The following MCRS1 variants were observed in gnomAD, a reference collection of about 807,000 sequenced individuals.
MCRS1 encodes microspherule protein 1.
In MCRS1, 22 loss-of-function variants were observed where a neutral mutation model predicts 62.9. That is an observed-to-expected ratio of 0.35 (90% CI 0.25 to 0.50). MCRS1 has a LOEUF of 0.50. MCRS1 is among the 20% of genes least tolerant of loss of function. MCRS1 has a pLI of 0.98. For synonymous variants in MCRS1, 244 were observed against 233.5 expected (o/e 1.04, Z -0.41); for missense variants, 456 against 601.1 (o/e 0.76, Z 2.52).
At position 49,558,918 on chromosome 12, in the gene MCRS1, T is replaced by A. The variant is rs61752706; in HGVS notation, c.1227A>T (p.Arg409=). ...NGDFFIANEG[R]RPIYIDGRPV... ...GCCGTCCATCGATGTAGATGGGCCG[T>A]CGACCCTCATTGGCAATGAAGAAAT... The change falls in exon 14 of 15, where the codon CGA becomes CGT. Residue 409 remains arginine (R), a synonymous_variant. Coordinates refer to ENST00000343810, the MANE Select transcript of MCRS1 (RefSeq NM_006337.5). 1.4e-5 allele frequency: 23 copies of A among 1,612,730 alleles called. No individual in the cohort carries two copies. The highest frequency in any genetic ancestry group is 2.7e-5 in the African/African-American group (2 of 74,876).
intron 8 of MCRS1, among the ~76,000 whole-genome samples, chr12:49,561,299 G>A (rs1938753131): frequency 6.6e-6 from 1 of 152,192 alleles, no homozygotes; most frequent in Non-Finnish European, 1.5e-5. Flanking sequence ...TAGTGGCCAT[G>A]CAATTGTCAA....
chr12:49,562,852 G>GTT (rs377377830), intron 8 of MCRS1, 149 bp downstream of exon 8: 3 of 1,046,132 alleles, frequency 2.9e-6, no homozygotes, highest in South Asian at 2.3e-5. Flanking sequence ...CTGGAAAGTA[G>GTT]TTTTTTTTGC....
intron 6 of MCRS1, 36 bp from the exon 7 acceptor site, chr12:49,563,582 G>T: frequency 6.5e-7 from 1 of 1,528,708 alleles, no homozygotes; most frequent in Non-Finnish European, 9.0e-7. Context: ...AGGGGTGAAG[G>T]AAAGGTGTCA....
Position 49,559,925 on chromosome 12 carries a change from G to A in MCRS1, c.910+14C>T, listed in dbSNP as rs1305971675. ...AGCTTCCATCCCCTCACCACCCCAT[G>A]AGGCCATACTTACCATGTTCCAGGA... is the stretch of plus-strand genomic sequence containing the variant. On this transcript the variant is annotated intron_variant, in intron 10 of 14. Coordinates refer to ENST00000343810, the MANE Select transcript of MCRS1 (RefSeq NM_006337.5). The surrounding 1 kb of genome is among the most constrained non-coding windows in gnomAD (Gnocchi z 5.2). 7 of 1,614,064 alleles carry A rather than the reference G, an allele frequency of 4.3e-6. No individual in the cohort carries two copies. The highest frequency in any genetic ancestry group is 1.6e-4 in the Middle Eastern group (1 of 6,084).
chr12:49,567,937 T>G (rs2138209473), intron 1 of MCRS1, 111 bp downstream of exon 1: 1 of 152,350 alleles, frequency 6.6e-6, no homozygotes, highest in South Asian at 2.1e-4. Flanking sequence ...GGGGCGCCAC[T>G]GGGGCGGGGC....
intron 4 of MCRS1, 100 bp from the exon 5 acceptor site, chr12:49,564,995 A>G: frequency 2.7e-6 from 4 of 1,456,438 alleles, no homozygotes; most frequent in Non-Finnish European, 3.6e-6. Context: ...CGGCAGCCCC[A>G]GCCCCAGCCT....
intron 1 of MCRS1, among the ~76,000 whole-genome samples, chr12:49,567,418 C>G (rs1939119550): frequency 6.6e-6 from 1 of 151,776 alleles, no homozygotes; most frequent in Non-Finnish European, 1.5e-5. Flanking sequence ...CACGCTGTGC[C>G]CCAACAACCC....
intron 8 of MCRS1, among the ~76,000 whole-genome samples, chr12:49,560,837 G>A (rs772073800): frequency 6.6e-6 from 1 of 152,184 alleles, no homozygotes; most frequent in African/African-American, 2.4e-5. Context: ...ACGCTGTGAG[G>A]GGCTGGGAGG....
rs1938970463 is a variant in MCRS1, at chr12:49,564,867, G to A, written c.317C>T (p.Pro106Leu). ...KVSKAPSTPV[P>L]PSPAPAPGLT... Reference sequence around the variant, plus strand: ...TCCAGGGGCTGGGGCTGGGCTGGGTGGCACAGGAGTGCTGGGGGCTTTGGA... The same window carrying A: ...TCCAGGGGCTGGGGCTGGGCTGGGTAGCACAGGAGTGCTGGGGGCTTTGGA... Residue 106 changes from proline (P) to leucine (L), a missense_variant, in exon 5 of 15, where the codon CCA (proline) becomes CTA (leucine). Pro to Leu is a moderately conservative substitution (Grantham distance 98). Around this residue, in one of 3 missense-constraint regions of MCRS1, gnomAD observed 393 missense variants for 523.5 expected, o/e 0.75. Transcript: ENST00000343810. The A allele has an allele frequency of 1.2e-6, 2 of 1,609,904 alleles. No homozygotes were observed. Among genetic ancestry groups the A allele is most frequent in the Non-Finnish European group, 1.7e-6 (2 of 1,177,594 alleles).
At position 49,558,301 on chromosome 12, in the gene MCRS1, C is replaced by T. The variant is rs1169032248; in HGVS notation, c.*342G>A. 7.5e-6 allele frequency: 3 copies of T among 401,506 alleles called. No individual in the cohort carries two copies. Among genetic ancestry groups the T allele is most frequent in the Non-Finnish European group, 1.3e-5 (3 of 228,552 alleles). The allele number at this position is 401,506 out of a possible 1,614,324, so 24.9% of individuals were successfully genotyped here. A position where few individuals can be genotyped will look rare whatever the true frequency, so the allele number is the denominator to read the frequency against. ...TAAAAAAAAAAAATAAAATAAACTA[C>T]TTTGGAACCTGGTGCTTTTTATTTA... On this transcript the variant is annotated 3_prime_UTR_variant, in exon 15 of 15. Coordinates refer to ENST00000343810, the MANE Select transcript of MCRS1 (RefSeq NM_006337.5).
At chr12:49,564,378 C>G in intron 6 of MCRS1, 103 bp downstream of exon 6, 2 of 939,350 alleles carry the variant, frequency 2.1e-6, no homozygotes, top group Admixed American at 5.0e-5. Context: ...AGGAGTCCTG[C>G]CTCCCAGACC....
Position 49,563,472 on chromosome 12 carries a change from T to G in MCRS1, c.632A>C (p.Lys211Thr). ...TTTGCTCAGCAGCTGCTCCTCAGCC[T>G]TGCTAAACAGGGCCTTGCTCTGGAT... ...AAIQSKALFS[K>T]AEEQLLSKVG... Residue 211 changes from lysine to threonine, a missense_variant, in exon 7 of 15, where the codon AAG (lysine) becomes ACG (threonine). Around this residue, in one of 3 missense-constraint regions of MCRS1, gnomAD observed 393 missense variants for 523.5 expected, o/e 0.75. Transcript: ENST00000343810. The G allele has an allele frequency of 6.2e-7, 1 of 1,612,938 alleles. No homozygotes were observed. The highest frequency in any genetic ancestry group is 8.5e-7 in the Non-Finnish European group (1 of 1,179,648).
intron 7 of MCRS1, 28 bp downstream of exon 7, chr12:49,563,410 C>G (rs1290959459): frequency 6.3e-7 from 1 of 1,593,028 alleles, no homozygotes; most frequent in Middle Eastern, 1.9e-4. Flanking sequence ...GTGCCCTGAT[C>G]CTCCACCTTC....
intron 4 of MCRS1, 163 bp downstream of exon 4, chr12:49,565,366 A>C: frequency 1.0e-6 from 1 of 985,344 alleles, no homozygotes; most frequent in Non-Finnish European, 1.2e-6. Flanking sequence ...AATGGGGAGT[A>C]GGGAGAGGTG....
At position 49,565,944 on chromosome 12, in the gene MCRS1, C is replaced by G. The variant is rs535838314; in HGVS notation, c.149+133G>C. 9.0e-6 allele frequency: 12 copies of G among 1,336,144 alleles called. No individual in the cohort carries two copies. In the African/African-American group the frequency reaches 1.8e-4, roughly 20 times the overall value. 82.8% of individuals were successfully genotyped at this position (1,336,144 alleles called of 1,614,324 possible). A position where few individuals can be genotyped will look rare whatever the true frequency, so the allele number is the denominator to read the frequency against. On this transcript the variant is annotated intron_variant, in intron 3 of 14. Coordinates refer to ENST00000343810, the MANE Select transcript of MCRS1 (RefSeq NM_006337.5). ...AAGGATTTAGCAGGGACAGGAAAAG[C>G]ACAAGGCTCTGCCAATACTAAGGCC...
At position 49,558,538 on chromosome 12, in the gene MCRS1, C is replaced by T; in HGVS notation, c.*105G>A. The T allele has an allele frequency of 8.4e-7, 1 of 1,183,792 alleles. No individual in the cohort carries two copies. Among genetic ancestry groups the T allele is most frequent in the Non-Finnish European group, 1.2e-6 (1 of 826,608 alleles). 73.3% of individuals were successfully genotyped at this position (1,183,792 alleles called of 1,614,324 possible). A position where few individuals can be genotyped will look rare whatever the true frequency, so the allele number is the denominator to read the frequency against. On this transcript the variant is annotated 3_prime_UTR_variant, in exon 15 of 15. Transcript: ENST00000343810. The stretch of plus-strand genomic sequence containing the variant: ...TCAAATCAATGGCCCGCAGCTGAGC[C>T]TCCCACTGCCCAGGTTTTTCCAGGA...
In MCRS1 at chr12:49,559,750, C is replaced by T. The variant is rs1938657681; in HGVS notation, c.982G>A (p.Val328Met). 1 of 1,614,206 alleles carries T rather than the reference C, an allele frequency of 6.2e-7. No individual in the cohort carries two copies. Among genetic ancestry groups the T allele is most frequent in the East Asian group, 2.2e-5 (1 of 44,890 alleles). The change falls in exon 11 of 15, where the codon GTG (valine) becomes ATG (methionine). Residue 328 changes from valine (V) to methionine (M), a missense_variant. This residue lies in a region of MCRS1 where 393 missense variants were observed against 523.5 expected (regional missense o/e 0.75). Coordinates refer to ENST00000343810, the MANE Select transcript of MCRS1 (RefSeq NM_006337.5). This position sits in a 1 kb window ranked among gnomAD's most constrained non-coding sequence, Gnocchi z 5.2. ...QLEQELHKWQ[V>M]LVDSITGMSS... ...TCACCTGTGATGCTGTCCACTAGCA[C>T]CTGCCACTTATGCAGTTCCTGTTCC...
At chr12:49,562,771 T>C (rs1053969221) in intron 8 of MCRS1, among the ~76,000 whole-genome samples, 3 of 152,236 alleles carry the variant, frequency 2.0e-5, no homozygotes, top group Non-Finnish European at 4.4e-5. Context: ...TTGGACCTTT[T>C]GCCAAAGATT....
At chr12:49,565,435 C>T (rs1310603335) in intron 4 of MCRS1, 94 bp downstream of exon 4, 2 of 1,520,944 alleles carry the variant, frequency 1.3e-6, no homozygotes, top group Non-Finnish European at 1.8e-6. Context: ...CTCTCACCAG[C>T]CTGCTCTGCA....
Sources: gnomAD v4.1 joint callset for allele counts (sites outside exome capture counted in the v4.1 genomes callset) on GRCh38, gnomAD v4.1.1 for gene constraint, gnomAD v4.1.1 regional missense constraint, Gnocchi (gnomAD v3.1) non-coding constraint, MANE v1.5 for transcripts, NCBI Gene and HGNC (gene_info 2026-07-23, HGNC 2026-07-21) for gene names.